Variants in PCDH15 observed in about 807,000 individuals in gnomAD.
PCDH15 encodes the protein protocadherin related 15, also known as protocadherin-15.
PCDH15 carries 129 observed loss-of-function variants against 178.5 expected under a neutral mutation model. The observed-to-expected ratio is 0.72, with a 90% CI of 0.63 to 0.84. PCDH15 has a LOEUF of 0.84. PCDH15 is among the 40% of genes least tolerant of loss of function. The pLI is 0.00. For missense variants in PCDH15, 2,230 were observed against 2,099.9 expected (o/e 1.06, Z -1.21); for synonymous variants, 800 against 732.0 (o/e 1.09, Z -1.50).
chr10:54,635,052 C>A (rs981278036), intron 2 of PCDH15, among the ~76,000 whole-genome samples: 2 of 151,526 alleles, frequency 1.3e-5, no homozygotes, highest in Non-Finnish European at 3.0e-5. Context: ...GATTTAATTA[C>A]CTTCCTGAAT....
chr10:55,235,133 A>T (rs777670073), intron 1 of PCDH15, among the ~76,000 whole-genome samples: 54 of 152,064 alleles, frequency 3.6e-4, no homozygotes, highest in Non-Finnish European at 5.9e-4. Flanking sequence ...AAAATATATC[A>T]ATTTCTGCTT....
intron 2 of PCDH15, among the ~76,000 whole-genome samples, chr10:55,604,519 A>C: frequency 6.9e-6 from 1 of 144,520 alleles, no homozygotes; most frequent in Non-Finnish European, 1.5e-5. Flanking sequence ...AGCAAATGTA[A>C]AAGAACAGAA....
intron 2 of PCDH15, among the ~76,000 whole-genome samples, chr10:55,458,012 C>T (rs1490626937): frequency 6.6e-6 from 1 of 151,934 alleles, no homozygotes; most frequent in Non-Finnish European, 1.5e-5. Flanking sequence ...GGAATCATTG[C>T]ACATGCATAT....
intron 2 of PCDH15, among the ~76,000 whole-genome samples, chr10:55,543,905 C>T (rs1841818472): frequency 6.6e-6 from 1 of 151,026 alleles, no homozygotes; most frequent in African/African-American, 2.4e-5. Context: ...AAAATTTCCT[C>T]AATATGAACT....
intron 2 of PCDH15, among the ~76,000 whole-genome samples, chr10:55,394,991 T>C (rs1238382733): frequency 1.3e-5 from 2 of 152,088 alleles, no homozygotes; most frequent in Non-Finnish European, 2.9e-5. Flanking sequence ...GCAACGTGAA[T>C]TGTAATAATA....
rs61280428 is a variant in PCDH15, at chr10:55,378,908, T to TCTCTCTCACACACA, written c.-155-212258_-155-212257insTGTGTGTGAGAGAG. Among the ~76,000 whole-genome samples the TCTCTCTCACACACA allele has an allele frequency of 4.0e-4, 59 of 148,886 alleles. 1 individual carries two copies. The highest frequency in any genetic ancestry group is 2.0e-4 in the African/African-American group (8 of 40,464). ...CTCTCTCTCTCTCTCTCTCTCTCTCTCACATATGCCCTTAATGTACTTATA... is the reference window on the plus strand; with the variant it reads ...CTCTCTCTCTCTCTCTCTCTCTCTCTCTCTCTCACACACACACATATGCCCTTAATGTACTTATA... On this transcript the variant is annotated intron_variant, in intron 2 of 5. Coordinates refer to the PCDH15 transcript ENST00000613346.
At chr10:53,851,722 A>ATATT (rs1262823062) in intron 28 of PCDH15, among the ~76,000 whole-genome samples, 5 of 108,982 alleles carry the variant, frequency 4.6e-5, no homozygotes, top group South Asian at 2.8e-4. Context: ...ATATATATAT[A>ATATT]TTTACACACA....
At chr10:54,096,648 A>G (rs1426884807) in intron 15 of PCDH15, among the ~76,000 whole-genome samples, 1 of 152,166 alleles carries the variant, frequency 6.6e-6, no homozygotes, top group African/African-American at 2.4e-5. Flanking sequence ...ACACTTACAT[A>G]GTAGAAACAG....
At chr10:55,603,272 T>G (rs1337889794) in intron 2 of PCDH15, among the ~76,000 whole-genome samples, 1 of 151,032 alleles carries the variant, frequency 6.6e-6, no homozygotes, top group African/African-American at 2.4e-5. Flanking sequence ...GTCTGATTGG[T>G]GTACCTGAAA....
chr10:54,542,378 T>C (rs1237108604), intron 2 of PCDH15, among the ~76,000 whole-genome samples: 1 of 152,232 alleles, frequency 6.6e-6, no homozygotes, highest in Non-Finnish European at 1.5e-5. Flanking sequence ...AATTTAGAAG[T>C]ATTTTTCATT....
intron 3 of PCDH15, among the ~76,000 whole-genome samples, chr10:54,425,969 A>G (rs1234431836): frequency 2.0e-5 from 3 of 152,176 alleles, no homozygotes; most frequent in African/African-American, 7.2e-5. Context: ...AAAGGCAACA[A>G]ATAATAAGAG....
upstream of PCDH15, among the ~76,000 whole-genome samples, chr10:54,804,458 T>C (rs541324832): frequency 7.9e-5 from 12 of 152,296 alleles, 1 homozygote; most frequent in South Asian, 2.3e-3. Flanking sequence ...TGATGATTAT[T>C]GTAGAGACCA....
intron 2 of PCDH15, among the ~76,000 whole-genome samples, chr10:54,629,756 G>GA (rs1565797166): frequency 6.6e-6 from 1 of 151,680 alleles, no homozygotes; most frequent in East Asian, 1.9e-4. Flanking sequence ...TCAGGCAAAA[G>GA]AAAAAAATAC....
At chr10:55,534,852 T>C (rs1841535163) in intron 2 of PCDH15, among the ~76,000 whole-genome samples, 1 of 151,940 alleles carries the variant, frequency 6.6e-6, no homozygotes, top group Non-Finnish European at 1.5e-5. Context: ...AGAAAATGTG[T>C]TACATATGCA....
chr10:54,606,721 G>A (rs2092756702), intron 2 of PCDH15: 3 of 152,030 alleles, frequency 2.0e-5, no homozygotes, highest in South Asian at 2.1e-4. Context: ...AGGCTGAAGG[G>A]TTTTCAGATA....
intron 26 of PCDH15, among the ~76,000 whole-genome samples, chr10:53,888,339 T>TATATAGGTACGTAC (rs2081287952): frequency 1.8e-5 from 2 of 109,562 alleles, no homozygotes; most frequent in Non-Finnish European, 3.6e-5. Context: ...TATGTACGTA[T>TATATAGGTACGTAC]ATATATATAC....
At chr10:54,376,094 C>T (rs1948386267) in intron 4 of PCDH15, among the ~76,000 whole-genome samples, 2 of 151,072 alleles carry the variant, frequency 1.3e-5, no homozygotes, top group South Asian at 4.2e-4. Context: ...GGGTTTTCAC[C>T]GTGTTGGCCA....
chr10:54,023,509 G>A (rs953331337), intron 18 of PCDH15, among the ~76,000 whole-genome samples: 4 of 148,808 alleles, frequency 2.7e-5, no homozygotes, highest in Non-Finnish European at 5.9e-5. Context: ...GAATTCTAAA[G>A]TGAGAAAAAA....
chr10:54,246,210 C>G (rs568676677), intron 8 of PCDH15, among the ~76,000 whole-genome samples: 1 of 151,968 alleles, frequency 6.6e-6, no homozygotes, highest in African/African-American at 2.4e-5. Context: ...ATCATTAGAT[C>G]ACAGTCTGAC....
Sources: allele counts gnomAD v4.1 joint callset (sites outside exome capture counted in the v4.1 genomes callset), GRCh38; gene constraint gnomAD v4.1.1; transcripts MANE v1.5; gene names NCBI Gene and HGNC (gene_info 2026-07-23, HGNC 2026-07-21).